The following KIF26B variants were observed in gnomAD, a reference collection of about 807,000 sequenced individuals.
KIF26B encodes kinesin-like protein KIF26B.
A neutral mutation model predicts 151.2 loss-of-function variants in KIF26B; 63 were observed. The observed-to-expected ratio is 0.42, with a 90% CI of 0.34 to 0.51. The LOEUF is 0.51. Ranked by LOEUF, KIF26B falls within the 20% of genes least tolerant of loss-of-function variation. KIF26B has a pLI of 0.07. For missense variants in KIF26B, 2,813 were observed against 2,913.6 expected, an observed-to-expected ratio of 0.97 and a Z score of 0.79; for synonymous variants, 1,357 against 1,262.1, an observed-to-expected ratio of 1.08 and a Z score of -1.59.
intron 2 of KIF26B, among the ~76,000 whole-genome samples, chr1:245,285,428 T>A (rs1671148158): frequency 6.6e-6 from 1 of 152,220 alleles, no homozygotes; most frequent in African/African-American, 2.4e-5. Context: ...AAGGTCTAGA[T>A]ACAGGTAGAG....
chr1:245,230,120 G>A (rs889227886), intron 2 of KIF26B, among the ~76,000 whole-genome samples: 1 of 141,050 alleles, frequency 7.1e-6, no homozygotes, highest in Admixed American at 7.4e-5. Context: ...GCGATAGAGC[G>A]AGACTCCATC....
intron 4 of KIF26B, among the ~76,000 whole-genome samples, chr1:245,442,243 A>C (rs1304040688): frequency 6.6e-6 from 1 of 152,142 alleles, no homozygotes; most frequent in African/African-American, 2.4e-5. Flanking sequence ...GTTACTGCAA[A>C]GATGGAGGAA....
intron 4 of KIF26B, among the ~76,000 whole-genome samples, chr1:245,445,086 G>C (rs887530989): frequency 1.3e-5 from 2 of 152,136 alleles, no homozygotes; most frequent in African/African-American, 2.4e-5. Flanking sequence ...CTTCGTATCT[G>C]TCATCAATCA....
At chr1:245,593,269 C>G (rs979311497) in intron 5 of KIF26B, among the ~76,000 whole-genome samples, 46 of 152,102 alleles carry the variant, frequency 3.0e-4, no homozygotes, top group African/African-American at 1.1e-3. Context: ...TTTGCTGCAC[C>G]CATCAACCCG....
At chr1:245,623,620 A>G (rs527957733) in intron 9 of KIF26B, among the ~76,000 whole-genome samples, 2 of 152,330 alleles carry the variant, frequency 1.3e-5, no homozygotes, top group Admixed American at 6.5e-5. Context: ...GCCAAATGAC[A>G]TCACAAGTAG....
intron 9 of KIF26B, among the ~76,000 whole-genome samples, chr1:245,645,014 G>C (rs149969391): frequency 1.7e-3 from 261 of 152,302 alleles, no homozygotes; most frequent in Admixed American, 4.7e-3. Context: ...GAGCAGGAGA[G>C]AGAAGGGGGA....
intron 2 of KIF26B, among the ~76,000 whole-genome samples, chr1:245,179,270 T>C (rs759821390): frequency 6.6e-6 from 1 of 152,214 alleles, no homozygotes; most frequent in East Asian, 1.9e-4. Flanking sequence ...TATTCATTTA[T>C]CACACATTTA....
At chr1:245,401,528 T>C (rs1674000430) in intron 3 of KIF26B, among the ~76,000 whole-genome samples, 1 of 152,226 alleles carries the variant, frequency 6.6e-6, no homozygotes, top group Non-Finnish European at 1.5e-5. Flanking sequence ...CAATTTAGTT[T>C]AGCTGAGTTT....
At chr1:245,403,417 T>G (rs1674054381) in intron 3 of KIF26B, among the ~76,000 whole-genome samples, 1 of 152,258 alleles carries the variant, frequency 6.6e-6, no homozygotes, top group African/African-American at 2.4e-5. Flanking sequence ...TTACTGATCC[T>G]CAAATGTGCC....
At chr1:245,354,463 C>T (rs987890129) in intron 2 of KIF26B, among the ~76,000 whole-genome samples, 1 of 152,246 alleles carries the variant, frequency 6.6e-6, no homozygotes, top group Non-Finnish European at 1.5e-5. Flanking sequence ...AGGGCCGCAT[C>T]AGCCTCTTCC....
At chr1:245,642,562 G>GAAA (rs34401122) in intron 9 of KIF26B, among the ~76,000 whole-genome samples, 9 of 73,032 alleles carry the variant, frequency 1.2e-4, no homozygotes, top group Non-Finnish European at 2.0e-4. Flanking sequence ...CTCCGTCTCA[G>GAAA]AAAAAAAAAA....
chr1:245,325,071 G>A (rs1274123437), intron 2 of KIF26B, among the ~76,000 whole-genome samples: 1 of 144,228 alleles, frequency 6.9e-6, no homozygotes, highest in Non-Finnish European at 1.5e-5. Flanking sequence ...CTCCAGCCTG[G>A]ACGACAAAGC....
intron 12 of KIF26B, among the ~76,000 whole-genome samples, chr1:245,689,532 C>T (rs563519804): frequency 1.2e-4 from 19 of 152,334 alleles, no homozygotes; most frequent in African/African-American, 3.6e-4. Flanking sequence ...GCCTGAAATG[C>T]GTGATTTTGG....
chr1:245,616,045 C>G (rs927280522), intron 9 of KIF26B, among the ~76,000 whole-genome samples: 1 of 152,194 alleles, frequency 6.6e-6, no homozygotes, highest in Non-Finnish European at 1.5e-5. Flanking sequence ...ACTCTGTGTG[C>G]GCCTCTGAAT....
chr1:245,469,520 T>G (rs1421600219), intron 4 of KIF26B, among the ~76,000 whole-genome samples: 1 of 152,200 alleles, frequency 6.6e-6, no homozygotes, highest in Admixed American at 6.5e-5. Flanking sequence ...ATTATTAATG[T>G]TCCCTACCTA....
chr1:245,478,450 C>T (rs1413515778), intron 4 of KIF26B, among the ~76,000 whole-genome samples: 21 of 45,028 alleles, frequency 4.7e-4, no homozygotes, highest in African/African-American at 1.4e-3. Context: ...TTTTTTGAGA[C>T]GGAGTCTTGC....
intron 4 of KIF26B, among the ~76,000 whole-genome samples, chr1:245,532,226 T>TTCTTC (rs952211482): frequency 4.1e-5 from 4 of 96,998 alleles, no homozygotes; most frequent in African/African-American, 1.5e-4. Context: ...CTTTTTTCTT[T>TTCTTC]TCTTTTCTTT....
chr1:245,547,153 C>T (rs1049189639), intron 5 of KIF26B, among the ~76,000 whole-genome samples: 1 of 152,240 alleles, frequency 6.6e-6, no homozygotes, highest in African/African-American at 2.4e-5. Context: ...CCTGAAAGAC[C>T]TCAGACACAG....
rs919386552 is a variant in KIF26B at position 245,218,819 on chromosome 1, A to G, written c.465+62136A>G. 1.2e-4 allele frequency among the ~76,000 whole-genome samples: 18 copies of G among 152,214 alleles called. No homozygotes were observed. Among genetic ancestry groups the G allele is most frequent in the Non-Finnish European group, 1.5e-4 (10 of 68,032 alleles). On this transcript the variant is annotated intron_variant, in intron 2 of 14. Coordinates refer to ENST00000407071, the MANE Select transcript of KIF26B (RefSeq NM_018012.4). The surrounding 1 kb of genome is among the most constrained non-coding windows in gnomAD (Gnocchi z 4.1). Reference sequence around the variant, plus strand: ...TTTAAAAAAGGGAGCTTGGGGCAGAATGAACCACTAAAAAGTTATTGGCTC... The same window carrying G: ...TTTAAAAAAGGGAGCTTGGGGCAGAGTGAACCACTAAAAAGTTATTGGCTC...
Sources: gnomAD v4.1 joint callset for allele counts (sites outside exome capture counted in the v4.1 genomes callset) on GRCh38, gnomAD v4.1.1 for gene constraint, Gnocchi (gnomAD v3.1) non-coding constraint, MANE v1.5 for transcripts, NCBI Gene and HGNC (gene_info 2026-07-23, HGNC 2026-07-21) for gene names.